The following KHDC4 variants were observed in gnomAD, a reference collection of about 807,000 sequenced individuals.
KHDC4 encodes the protein KH homology domain-containing protein 4.
A neutral mutation model predicts 74.5 loss-of-function variants in KHDC4; 19 were observed. That is an observed-to-expected ratio of 0.26 (90% confidence interval 0.18 to 0.37). The LOEUF is 0.37. Ranked by LOEUF, KHDC4 falls within the 10% of genes least tolerant of loss-of-function variation. The probability of loss-of-function intolerance (pLI) is 1.00; values close to 1 mark genes in which losing one functional copy is unlikely to be tolerated. For synonymous variants in KHDC4, 253 were observed against 266.1 expected (o/e 0.95, Z 0.48); for missense variants, 632 against 754.1 (o/e 0.84, Z 1.90).
At chr1:155,926,017 C>G (rs1030957595) in intron 6 of KHDC4, 174 bp from the exon 7 acceptor site, 1 of 763,730 alleles carries the variant, frequency 1.3e-6, no homozygotes, top group Admixed American at 1.7e-5. Flanking sequence ...CTCTCTCCAA[C>G]CCTTTTTTCT....
chr1:155,926,473 G>A, intron 6 of KHDC4: 1 of 561,898 alleles, frequency 1.8e-6, no homozygotes, highest in Non-Finnish European at 3.2e-6. Context: ...GGGGTTACAG[G>A]TGCCTGCCAC....
Position 155,917,692 on chromosome 1 carries a change from A to C in KHDC4, c.1267-20T>G. On this transcript the variant is annotated intron_variant, in intron 10 of 13. Transcript: ENST00000368321. ...CGGACTCTGGGACCAAAACAAACCA[A>C]GGAAGAAAAAAAGTGTGAGAATGCC... 2 of 1,484,946 alleles carry C rather than the reference A, an allele frequency of 1.3e-6. No homozygotes were observed. Among genetic ancestry groups the C allele is most frequent in the Non-Finnish European group, 1.8e-6 (2 of 1,121,022 alleles). The allele number at this position is 1,484,946 out of a possible 1,614,324, so 92.0% of individuals were successfully genotyped here. A position where few individuals can be genotyped will look rare whatever the true frequency, so the allele number is the denominator to read the frequency against.
rs895552615 is a variant in KHDC4 at position 155,928,205 on chromosome 1, C to T, written c.465-1049G>A. On this transcript the variant is annotated intron_variant, in intron 4 of 13. Transcript: ENST00000368321. Reference sequence around the variant, plus strand: ...CCTGTCCAACATCGTGAAACCCCATCTCTACTAAAAATACAAAATTTAGCC... The same window carrying T: ...CCTGTCCAACATCGTGAAACCCCATTTCTACTAAAAATACAAAATTTAGCC... 2.0e-5 allele frequency among the ~76,000 whole-genome samples: 3 copies of T among 152,014 alleles called. No individual in the cohort carries two copies. In the South Asian group the frequency reaches 6.2e-4, roughly 32 times the overall value.
chr1:155,923,100 G>A (rs1231169021), intron 8 of KHDC4, among the ~76,000 whole-genome samples: 2 of 151,672 alleles, frequency 1.3e-5, no homozygotes, highest in Admixed American at 6.6e-5. Flanking sequence ...AGCTACTTGG[G>A]AGGCTGAGGC....
intron 2 of KHDC4, among the ~76,000 whole-genome samples, chr1:155,931,290 C>CA (rs55769714): frequency 0.61 from 67,133 of 109,372 alleles, 20,652 homozygotes; most frequent in Non-Finnish European, 0.71. Flanking sequence ...ACTCTATCAC[C>CA]AAAAAAAAAA....
rs1673674842 is a variant in KHDC4, at chr1:155,913,691, C to A, written c.*430G>T. On this transcript the variant is annotated 3_prime_UTR_variant, in exon 14 of 14. Coordinates refer to ENST00000368321, the MANE Select transcript of KHDC4 (RefSeq NM_014949.4). The stretch of plus-strand genomic sequence containing the variant: ...GGACGGTCTTAAAATCATTTCCCCA[C>A]TAATAAATAGTAAGGCTCTGTTTGT... The A allele has an allele frequency of 6.3e-6, 1 of 158,500 alleles. No homozygotes were observed. The highest frequency in any genetic ancestry group is 1.4e-5 in the Non-Finnish European group (1 of 71,844). The allele number at this position is 158,500 out of a possible 1,614,324, so 9.8% of individuals were successfully genotyped here.
At chr1:155,919,157 AG>A (rs1007307634) in intron 10 of KHDC4, among the ~76,000 whole-genome samples, 1 of 151,626 alleles carries the variant, frequency 6.6e-6, no homozygotes, top group African/African-American at 2.4e-5. Context: ...TAGCAGAGAC[AG>A]GGTTTCACCA....
intron 6 of KHDC4, 54 bp from the exon 7 acceptor site, chr1:155,925,897 A>C (rs1673980907): frequency 1.5e-6 from 2 of 1,357,138 alleles, no homozygotes; most frequent in Non-Finnish European, 1.1e-6. Context: ...TTAAATCCTC[A>C]ATCTTTGAAA....
intron 7 of KHDC4, among the ~76,000 whole-genome samples, chr1:155,924,644 G>A (rs1323628822): frequency 1.3e-5 from 2 of 149,270 alleles, no homozygotes; most frequent in Non-Finnish European, 3.0e-5. Context: ...AGCAGTCTCA[G>A]CTCACTGCAA....
In KHDC4 at chr1:155,927,095, A is replaced by G. The variant is rs573038320; in HGVS notation, c.517+9T>C. 9.5e-5 allele frequency: 153 copies of G among 1,613,546 alleles called. 3 individuals are homozygous for G. The South Asian group carries it at 1.6e-3, about 17-fold the overall frequency. ...AAAAAGTGCTACGTGAGCCAAAAACATTACTTACTGTCCACTAATTCCCGT... is the reference window on the plus strand; with the variant it reads ...AAAAAGTGCTACGTGAGCCAAAAACGTTACTTACTGTCCACTAATTCCCGT... On this transcript the variant is annotated intron_variant, in intron 5 of 13. Coordinates refer to ENST00000368321, the MANE Select transcript of KHDC4 (RefSeq NM_014949.4).
At chr1:155,921,767 T>C in intron 9 of KHDC4, 94 bp downstream of exon 9, 3 of 1,402,968 alleles carry the variant, frequency 2.1e-6, no homozygotes, top group Non-Finnish European at 3.0e-6. Context: ...AAGGGAACAT[T>C]AATAGTGCCC....
At chr1:155,915,554 C>T (rs978410878) in intron 13 of KHDC4, 5 of 350,346 alleles carry the variant, frequency 1.4e-5, no homozygotes, top group African/African-American at 1.1e-4. Context: ...ATTGCCCAGG[C>T]TGGAGGGCAG....
At chr1:155,922,230 CCACCTT>C (rs1673883990) in intron 8 of KHDC4, among the ~76,000 whole-genome samples, 1 of 151,338 alleles carries the variant, frequency 6.6e-6, no homozygotes, top group Non-Finnish European at 1.5e-5. Flanking sequence ...ACTGCAACCT[CCACCTT>C]CACGGTTTAA....
At chr1:155,925,587 C>G in intron 7 of KHDC4, 45 bp downstream of exon 7, 2 of 1,515,958 alleles carry the variant, frequency 1.3e-6, no homozygotes, top group Non-Finnish European at 1.8e-6. Context: ...ACTGTACCAA[C>G]AAGTTGACAA....
intron 9 of KHDC4, 39 bp from the exon 10 acceptor site, chr1:155,921,667 A>T: frequency 6.3e-7 from 1 of 1,592,960 alleles, no homozygotes; most frequent in Non-Finnish European, 8.6e-7. Context: ...CAGCTGCAGC[A>T]GAATGAGACA....
intron 2 of KHDC4, among the ~76,000 whole-genome samples, chr1:155,930,110 A>G (rs184847077): frequency 4.6e-5 from 7 of 152,042 alleles, no homozygotes; most frequent in Admixed American, 1.3e-4. Context: ...ACGGGGTTTC[A>G]CCGTGTTGGC....
chr1:155,924,482 A>G (rs569990774), intron 7 of KHDC4, among the ~76,000 whole-genome samples: 52 of 152,106 alleles, frequency 3.4e-4, no homozygotes, highest in African/African-American at 1.3e-3. Flanking sequence ...TGCTGGGATT[A>G]CAGGCCAAGA....
At chr1:155,920,298 C>T (rs1025409543) in intron 10 of KHDC4, among the ~76,000 whole-genome samples, 4 of 151,786 alleles carry the variant, frequency 2.6e-5, no homozygotes, top group Non-Finnish European at 5.9e-5. Context: ...ATTAGCCAGG[C>T]GTGGTGGTGG....
intron 6 of KHDC4, chr1:155,926,329 T>C (rs1179963376): frequency 2.9e-5 from 9 of 305,866 alleles, no homozygotes; most frequent in Non-Finnish European, 5.5e-5. Flanking sequence ...TTGGCACTTT[T>C]TTTTTTTTTT....
Sources: gnomAD v4.1 joint callset for allele counts (sites outside exome capture counted in the v4.1 genomes callset) on GRCh38, gnomAD v4.1.1 for gene constraint, MANE v1.5 for transcripts, NCBI Gene and HGNC (gene_info 2026-07-23, HGNC 2026-07-21) for gene names.